AQR: variants seen among roughly 807,000 people sequenced by gnomAD.
AQR encodes the protein RNA helicase aquarius.
AQR carries 61 observed loss-of-function variants against 180.5 expected under a neutral mutation model. The observed-to-expected ratio is 0.34, with a 90% CI of 0.28 to 0.42. The LOEUF (loss-of-function observed/expected upper bound fraction) is 0.42, where lower values mean the gene tolerates loss of function less well. AQR is among the 10% of genes least tolerant of loss of function. AQR has a pLI of 1.00. For missense variants in AQR, 1,281 were observed against 1,798.3 expected, an observed-to-expected ratio of 0.71 and a Z score of 5.20; for synonymous variants, 551 against 588.8, an observed-to-expected ratio of 0.94 and a Z score of 0.93.
At chr15:34,922,925 T>C (rs1418034963) in intron 13 of AQR, among the ~76,000 whole-genome samples, 1 of 152,228 alleles carries the variant, frequency 6.6e-6, no homozygotes, top group East Asian at 1.9e-4. Context: ...TATTGACATC[T>C]ATCTACCTAC....
intron 34 of AQR, among the ~76,000 whole-genome samples, chr15:34,858,423 T>C (rs530524019): frequency 1.8e-4 from 28 of 151,484 alleles, no homozygotes; most frequent in Admixed American, 1.6e-3. Context: ...AAAATCCTGA[T>C]GAGAATTTAA....
At chr15:34,917,215 T>C (rs1346574226) in intron 15 of AQR, among the ~76,000 whole-genome samples, 1 of 152,228 alleles carries the variant, frequency 6.6e-6, no homozygotes, top group East Asian at 1.9e-4. Flanking sequence ...ATTAGTGCAC[T>C]GGGTCTATCG....
In AQR at chr15:34,897,609, C is replaced by T. The variant is rs767503246; in HGVS notation, c.2340G>A (p.Glu780=). 4.3e-6 allele frequency: 7 copies of T among 1,614,088 alleles called. No individual in the cohort carries two copies. Among genetic ancestry groups the T allele is most frequent in the Non-Finnish European group, 5.9e-6 (7 of 1,179,982 alleles). Residue 780 remains glutamate, a synonymous_variant, in exon 21 of 35, where the codon GAG becomes GAA. Coordinates refer to ENST00000156471, the MANE Select transcript of AQR (RefSeq NM_014691.3). The part of the protein sequence containing the change: ...DTEEAKTLIV[E]PHVIPNRGPY... Reference sequence around the variant, plus strand: ...GACCCCTATTAGGAATAACATGGGGCTCAACAATTAAGGTTTTTGCTTCCT... The same window carrying T: ...GACCCCTATTAGGAATAACATGGGGTTCAACAATTAAGGTTTTTGCTTCCT...
chr15:34,888,619 C>G (rs1893096971), intron 24 of AQR, among the ~76,000 whole-genome samples: 1 of 152,094 alleles, frequency 6.6e-6, no homozygotes, highest in African/African-American at 2.4e-5. Context: ...ATTGCTTGAA[C>G]CCAGGAAGCG....
chr15:34,921,245 A>C (rs188591213), intron 13 of AQR, among the ~76,000 whole-genome samples: 71 of 151,584 alleles, frequency 4.7e-4, no homozygotes, highest in African/African-American at 1.5e-3. Flanking sequence ...ATCAGCCTGG[A>C]CAATATGGTG....
At position 34,851,800 on chromosome 15, in the gene AQR, C is replaced by A. The variant is rs1033386806; in HGVS notation, c.*4992G>T. 2 of 152,158 alleles carry A rather than the reference C, an allele frequency of 1.3e-5. No individual in the cohort carries two copies. The highest frequency in any genetic ancestry group is 2.9e-5 in the Non-Finnish European group (2 of 68,018). 9.4% of individuals were successfully genotyped at this position (152,158 alleles called of 1,614,324 possible). Reference sequence around the variant, plus strand: ...AGACACATTGGAAATACAAACTCTTCTTTTACTGCATAAGAAATGAGAAGA... The same window carrying A: ...AGACACATTGGAAATACAAACTCTTATTTTACTGCATAAGAAATGAGAAGA... On this transcript the variant is annotated 3_prime_UTR_variant, in exon 35 of 35. Transcript: ENST00000156471.
intron 23 of AQR, among the ~76,000 whole-genome samples, chr15:34,892,315 G>A (rs904055655): frequency 6.6e-6 from 1 of 152,124 alleles, no homozygotes; most frequent in African/African-American, 2.4e-5. Context: ...ATTTAATCCA[G>A]TATCAATGCA....
intron 17 of AQR, among the ~76,000 whole-genome samples, chr15:34,907,799 A>G (rs530369322): frequency 6.6e-6 from 1 of 152,334 alleles, no homozygotes; most frequent in East Asian, 1.9e-4. Context: ...TCTAAGTCTT[A>G]CAGCCAAAGA....
chr15:34,933,225 G>T (rs957085843), intron 10 of AQR, among the ~76,000 whole-genome samples: 9 of 147,154 alleles, frequency 6.1e-5, no homozygotes, highest in African/African-American at 1.9e-4. Context: ...GAGATCCTCA[G>T]AAGTTAGAAG....
intron 32 of AQR, 91 bp downstream of exon 32, chr15:34,867,433 A>T: frequency 8.7e-7 from 1 of 1,148,658 alleles, no homozygotes; most frequent in Non-Finnish European, 1.3e-6. Flanking sequence ...GTTTAAACTT[A>T]AAAAATATTT....
intron 3 of AQR, among the ~76,000 whole-genome samples, chr15:34,958,690 T>C (rs1166646233): frequency 1.1e-4 from 16 of 152,226 alleles, no homozygotes; most frequent in Admixed American, 1.0e-3. Context: ...CACTTTCCAC[T>C]GGAGTGAAAA....
chr15:34,963,729 T>A (rs1595367918), intron 2 of AQR, among the ~76,000 whole-genome samples: 1 of 150,308 alleles, frequency 6.7e-6, no homozygotes, highest in Admixed American at 6.6e-5. Flanking sequence ...AGTGGTGCGA[T>A]CTCGACTCAC....
intron 24 of AQR, 31 bp downstream of exon 24, chr15:34,890,184 T>A: frequency 6.5e-7 from 1 of 1,549,238 alleles, no homozygotes; most frequent in Non-Finnish European, 8.7e-7. Context: ...AAAATCCTTT[T>A]TTACACTGTT....
intron 16 of AQR, among the ~76,000 whole-genome samples, chr15:34,910,793 TTG>T (rs994033902): frequency 6.6e-5 from 10 of 152,226 alleles, no homozygotes; most frequent in Non-Finnish European, 8.8e-5. Context: ...TTAGCATTTT[TTG>T]TGTGTGTGGT....
At chr15:34,865,180 A>G (rs1053176526) in intron 32 of AQR, among the ~76,000 whole-genome samples, 2 of 152,290 alleles carry the variant, frequency 1.3e-5, no homozygotes, top group African/African-American at 2.4e-5. Flanking sequence ...GCACTGTTAA[A>G]CAACAACGCC....
At chr15:34,888,663 C>A (rs1481305352) in intron 24 of AQR, among the ~76,000 whole-genome samples, 1 of 152,020 alleles carries the variant, frequency 6.6e-6, no homozygotes, top group African/African-American at 2.4e-5. Flanking sequence ...TGCCACTGCA[C>A]TCCAGCCTGG....
At chr15:34,888,297 C>CAATA (rs543980353) in intron 24 of AQR, among the ~76,000 whole-genome samples, 4,034 of 151,094 alleles carry the variant, frequency 0.027, 84 homozygotes, top group East Asian at 0.073. Flanking sequence ...GACTCTGTCC[C>CAATA]AATAAATAAA....
At chr15:34,886,424 CA>C in intron 25 of AQR, 101 bp downstream of exon 25, 2 of 1,268,594 alleles carry the variant, frequency 1.6e-6, no homozygotes, top group Non-Finnish European at 2.1e-6. Flanking sequence ...CTAATCTACT[CA>C]AAAAAATAAG....
At chr15:34,900,576 T>C (rs556788381) in intron 20 of AQR, 46 bp downstream of exon 20, 5 of 1,581,698 alleles carry the variant, frequency 3.2e-6, no homozygotes, top group Admixed American at 1.8e-5. Context: ...ATAACGTACA[T>C]TGACTACAGA....
Sources: allele counts gnomAD v4.1 joint callset (sites outside exome capture counted in the v4.1 genomes callset), GRCh38; gene constraint gnomAD v4.1.1; transcripts MANE v1.5; gene names NCBI Gene and HGNC (gene_info 2026-07-23, HGNC 2026-07-21).